Variants in DMC1 observed in about 807,000 individuals in gnomAD.
DMC1 encodes the protein DNA meiotic recombinase 1, also known as meiotic recombination protein DMC1 homolog.
DMC1 carries 27 observed loss-of-function variants against 50.1 expected under a neutral mutation model. That is an observed-to-expected ratio of 0.54 (90% CI 0.40 to 0.74). The LOEUF (loss-of-function observed/expected upper bound fraction) is 0.74. DMC1 is among the 30% of genes least tolerant of loss of function. DMC1 has a pLI of 0.00. For missense variants in DMC1, 295 were observed against 420.2 expected, an observed-to-expected ratio of 0.70 and a Z score of 2.60; for synonymous variants, 148 against 136.1, an observed-to-expected ratio of 1.09 and a Z score of -0.61.
At chr22:38,526,556 T>C (rs1055000989) in intron 12 of DMC1, among the ~76,000 whole-genome samples, 2 of 151,054 alleles carry the variant, frequency 1.3e-5, no homozygotes, top group African/African-American at 4.9e-5. Context: ...ACTTTGATAA[T>C]TTAATAAAAA....
At position 38,561,634 on chromosome 22, in the gene DMC1, C is replaced by T. The variant is rs147486014; in HGVS notation, c.326+653G>A. Among the ~76,000 whole-genome samples the T allele has an allele frequency of 2.5e-4, 38 of 152,258 alleles. 1 individual carries two copies. The Middle Eastern group carries it at 0.01, about 41-fold the overall frequency. On this transcript the variant is annotated intron_variant, in intron 5 of 13. Transcript: ENST00000216024. ...TGTGAAGTCTGAGCTATCAATTAGA[C>T]GTTCAAGTGGAGGTATATTTGACTA...
rs199657539 is a variant in DMC1 at position 38,539,401 on chromosome 22, C to T, written c.506G>A (p.Arg169His). 8 of 1,613,764 alleles carry T rather than the reference C, an allele frequency of 5.0e-6. No homozygotes were observed. The East Asian group carries it at 6.7e-5, about 13-fold the overall frequency. The change falls in exon 9 of 14, where the codon CGC (arginine) becomes CAC (histidine). Residue 169 changes from arginine to histidine, a missense_variant. Transcript: ENST00000216024. ...IDTENTFRPD[R>H]LRDIADRFNV... ...AAAGCGATCAGCAATGTCCCTAAGG[C>T]GATCTGGACGGCTGGAGTATGCCAA...
At chr22:38,533,316 A>C (rs1202510036) in intron 12 of DMC1, among the ~76,000 whole-genome samples, 1 of 151,494 alleles carries the variant, frequency 6.6e-6, no homozygotes, top group Non-Finnish European at 1.5e-5. Flanking sequence ...GAATGGCATC[A>C]ACCTGGGAGG....
At chr22:38,514,433 C>T (rs551335523), downstream of DMC1, among the ~76,000 whole-genome samples, 5 of 151,466 alleles carry the variant, frequency 3.3e-5, no homozygotes, top group South Asian at 2.1e-4. Context: ...TTAGTAGAGA[C>T]GGGTTTCACC....
At chr22:38,564,639 A>T (rs1168868561) in intron 4 of DMC1, among the ~76,000 whole-genome samples, 1 of 152,208 alleles carries the variant, frequency 6.6e-6, no homozygotes, top group African/African-American at 2.4e-5. Context: ...AAATACAAAT[A>T]AAAAAGAATA....
Position 38,519,883 on chromosome 22 carries a change from AT to A in DMC1, c.*136del. Reference sequence around the variant, plus strand: ...CAGGGACTTTTAAGATAAATATAAGATTTAAATCTCTTTGCTGACTTTTCTT... The same window carrying A: ...CAGGGACTTTTAAGATAAATATAAGATTAAATCTCTTTGCTGACTTTTCTT... On this transcript the variant is annotated 3_prime_UTR_variant, in exon 14 of 14. Coordinates refer to ENST00000216024, the MANE Select transcript of DMC1 (RefSeq NM_007068.4). 1.4e-6 allele frequency: 1 copy of A among 689,662 alleles called. No individual in the cohort carries two copies. The highest frequency in any genetic ancestry group is 2.9e-5 in the East Asian group (1 of 35,052). 42.7% of individuals were successfully genotyped at this position (689,662 alleles called of 1,614,324 possible).
intron 8 of DMC1, among the ~76,000 whole-genome samples, chr22:38,546,752 T>A (rs1052073376): frequency 2.0e-5 from 3 of 152,194 alleles, no homozygotes; most frequent in Admixed American, 2.0e-4. Flanking sequence ...GAGCCTTAAA[T>A]GATTTGTATG....
At chr22:38,539,444 G>C in intron 8 of DMC1, 32 bp from the exon 9 acceptor site, 1 of 1,581,082 alleles carries the variant, frequency 6.3e-7, no homozygotes, top group Non-Finnish European at 8.7e-7. Flanking sequence ...GATCCAATAA[G>C]TCAATTCTAA....
chr22:38,529,541 T>C (rs767444324), intron 12 of DMC1, among the ~76,000 whole-genome samples: 6 of 152,180 alleles, frequency 3.9e-5, no homozygotes, highest in Non-Finnish European at 8.8e-5. Context: ...GGATATGGCA[T>C]ATTATATTGT....
In DMC1 at chr22:38,545,753, T is replaced by C. The variant is rs1038295719; in HGVS notation, c.494+4172A>G. The C allele has an allele frequency of 7.9e-5, 12 of 152,272 alleles. No individual in the cohort carries two copies. The South Asian group carries it at 1.0e-3, about 13-fold the overall frequency. The allele number at this position is 152,272 out of a possible 1,614,324, so 9.4% of individuals were successfully genotyped here. On this transcript the variant is annotated intron_variant, in intron 8 of 13. Coordinates refer to ENST00000216024, the MANE Select transcript of DMC1 (RefSeq NM_007068.4). ...TTTAAAATGAAAAAACTTGGGCTTA[T>C]GCTGAAGGGAAGTTCAGATCAATTA... is the stretch of plus-strand genomic sequence containing the variant.
chr22:38,545,886 A>T (rs907105877), intron 8 of DMC1: 2 of 152,224 alleles, frequency 1.3e-5, no homozygotes, highest in African/African-American at 4.8e-5. Flanking sequence ...CCTATGCCCT[A>T]GGTAAATTTA....
chr22:38,515,041 T>C (rs144420170), downstream of DMC1, among the ~76,000 whole-genome samples: 1,478 of 151,064 alleles, frequency 9.8e-3, 24 homozygotes, highest in African/African-American at 0.034. Context: ...CTAATTATTG[T>C]ATTTTTAGTA....
intron 12 of DMC1, among the ~76,000 whole-genome samples, chr22:38,531,975 T>C (rs2090156831): frequency 6.6e-6 from 1 of 152,196 alleles, no homozygotes; most frequent in Non-Finnish European, 1.5e-5. Flanking sequence ...TGATTTCCTT[T>C]GCCTTCTAAC....
intron 8 of DMC1, chr22:38,545,737 A>G (rs2090337004): frequency 6.6e-6 from 1 of 152,160 alleles, no homozygotes; most frequent in Admixed American, 6.6e-5. Flanking sequence ...ATTTAAAATG[A>G]AAAAACTTGG....
chr22:38,513,115 G>A, the DMC1 span, among the ~76,000 whole-genome samples: 1 of 151,720 alleles, frequency 6.6e-6, no homozygotes, highest in Non-Finnish European at 1.5e-5. Context: ...AGGGTTCATT[G>A]AATTAGCAGA....
chr22:38,526,426 T>C (rs893965858), intron 12 of DMC1, among the ~76,000 whole-genome samples: 6 of 151,940 alleles, frequency 3.9e-5, no homozygotes, highest in Non-Finnish European at 5.9e-5. Context: ...ATCAGGCTGG[T>C]CTCGAACTCC....
chr22:38,521,581 A>AC (rs2090026579), intron 13 of DMC1, 27 bp downstream of exon 13: 2 of 1,383,082 alleles, frequency 1.4e-6, no homozygotes, highest in Non-Finnish European at 2.1e-6. Context: ...ACACACACAC[A>AC]CACACACAAA....
intron 7 of DMC1, among the ~76,000 whole-genome samples, chr22:38,551,951 C>G (rs1247309179): frequency 1.3e-5 from 2 of 150,644 alleles, no homozygotes; most frequent in African/African-American, 2.4e-5. Flanking sequence ...AGCTCCGCCT[C>G]CCGGGTTCAC....
At chr22:38,536,976 G>A (rs371195162) in intron 12 of DMC1, among the ~76,000 whole-genome samples, 30 of 152,014 alleles carry the variant, frequency 2.0e-4, no homozygotes, top group South Asian at 8.3e-4. Flanking sequence ...TCAGCCTCCC[G>A]AATAGCTGGG....
Sources: gnomAD v4.1 joint callset for allele counts (sites outside exome capture counted in the v4.1 genomes callset) on GRCh38, gnomAD v4.1.1 for gene constraint, MANE v1.5 for transcripts, NCBI Gene and HGNC (gene_info 2026-07-23, HGNC 2026-07-21) for gene names.